Variants in SUMF1 observed in about 807,000 individuals in gnomAD.
The protein encoded by SUMF1 is sulfatase modifying factor 1.
A neutral mutation model predicts 47.6 loss-of-function variants in SUMF1; 48 were observed. The observed-to-expected ratio is 1.01, with a 90% CI of 0.80 to 1.28. The LOEUF is 1.28. Among genes scored for constraint, SUMF1 ranks in the 50% most tolerant of loss-of-function variants. The pLI is 0.00. For missense variants in SUMF1, 571 were observed against 485.4 expected, an observed-to-expected ratio of 1.18 and a Z score of -1.66; for synonymous variants, 230 against 192.1, an observed-to-expected ratio of 1.20 and a Z score of -1.63.
chr3:4,367,282 G>T (rs918183048), intron 8 of SUMF1, among the ~76,000 whole-genome samples: 8 of 152,322 alleles, frequency 5.3e-5, no homozygotes, highest in South Asian at 2.1e-4. Context: ...GTCTGCAGAG[G>T]TTACTGCTAT....
At chr3:4,211,189 C>T (rs2874793) in intron 8 of SUMF1, among the ~76,000 whole-genome samples, 1,764 of 60,852 alleles carry the variant, frequency 0.029, 44 homozygotes, top group Non-Finnish European at 0.046. Flanking sequence ...TATACATATA[C>T]ATATACATAC....
intron 8 of SUMF1, among the ~76,000 whole-genome samples, chr3:4,118,817 G>C (rs1574899711): frequency 6.6e-6 from 1 of 152,020 alleles, no homozygotes; most frequent in African/African-American, 2.4e-5. Flanking sequence ...CACCACTGCT[G>C]TTTTTGCTTC....
intron 8 of SUMF1, among the ~76,000 whole-genome samples, chr3:4,103,392 G>A (rs1048881874): frequency 1.3e-5 from 2 of 151,994 alleles, no homozygotes; most frequent in African/African-American, 4.8e-5. Flanking sequence ...GAATACTATA[G>A]GAATTCAAAT....
Position 4,317,156 on chromosome 3 carries a change from C to T in SUMF1, c.1014+59174G>A, listed in dbSNP as rs889315071. 1.9e-6 allele frequency: 3 copies of T among 1,549,274 alleles called. No individual in the cohort carries two copies. In the Admixed American group the frequency reaches 5.9e-5, roughly 30 times the overall value. On this transcript the variant is annotated intron_variant and NMD_transcript_variant, in intron 8 of 12. Transcript: ENST00000448413. Reference sequence around the variant, plus strand: ...ATGCTTTCCAAGAGTTCGTCGAATCCCAAAGCACGGATTTTTACGCTACAG... The same window carrying T: ...ATGCTTTCCAAGAGTTCGTCGAATCTCAAAGCACGGATTTTTACGCTACAG...
At chr3:4,435,535 C>T (rs1207369578) in intron 3 of SUMF1, among the ~76,000 whole-genome samples, 2 of 152,074 alleles carry the variant, frequency 1.3e-5, no homozygotes, top group Admixed American at 6.5e-5. Context: ...TAAATGGACA[C>T]ATACAAGAAT....
At chr3:4,400,132 A>T (rs1318371180) in intron 7 of SUMF1, among the ~76,000 whole-genome samples, 1 of 152,160 alleles carries the variant, frequency 6.6e-6, no homozygotes, top group Admixed American at 6.6e-5. Context: ...TGGGGGCCGA[A>T]TTCTACCTGA....
At chr3:4,106,639 T>A (rs753768591) in intron 8 of SUMF1, among the ~76,000 whole-genome samples, 10 of 152,072 alleles carry the variant, frequency 6.6e-5, no homozygotes, top group Admixed American at 2.0e-4. Context: ...ACAGGAAAAG[T>A]AGAAGCCGAA....
intron 8 of SUMF1, among the ~76,000 whole-genome samples, chr3:4,095,239 T>G (rs527773444): frequency 6.6e-6 from 1 of 152,210 alleles, no homozygotes; most frequent in South Asian, 2.1e-4. Context: ...TATTTTAAAC[T>G]CCAGAACAGC....
intron 3 of SUMF1, among the ~76,000 whole-genome samples, chr3:4,426,416 T>G (rs1035614278): frequency 6.6e-5 from 10 of 152,314 alleles, no homozygotes; most frequent in Admixed American, 2.6e-4. Context: ...TCAAATATTT[T>G]CTGGTCAAAT....
At chr3:4,379,684 A>C (rs541812060) in intron 7 of SUMF1, among the ~76,000 whole-genome samples, 19 of 152,296 alleles carry the variant, frequency 1.2e-4, no homozygotes, top group African/African-American at 4.6e-4. Context: ...TCAGCTAAAA[A>C]TACAAAAATT....
chr3:4,425,135 A>C (rs188714893), intron 3 of SUMF1, among the ~76,000 whole-genome samples: 1 of 152,324 alleles, frequency 6.6e-6, no homozygotes, highest in East Asian at 1.9e-4. Context: ...CTTAAATATT[A>C]ATACACAGTT....
At chr3:4,254,895 A>G (rs1391653166) in intron 8 of SUMF1, among the ~76,000 whole-genome samples, 1 of 152,230 alleles carries the variant, frequency 6.6e-6, no homozygotes, top group Non-Finnish European at 1.5e-5. Flanking sequence ...AGGGAAGCCC[A>G]TCAGACTTAC....
chr3:4,354,817 A>C (rs558087505), intron 8 of SUMF1, among the ~76,000 whole-genome samples: 2 of 152,328 alleles, frequency 1.3e-5, no homozygotes, highest in African/African-American at 4.8e-5. Flanking sequence ...ACAAGTACCT[A>C]GGAAGCACTT....
At chr3:4,365,532 T>A (rs1185437528) in intron 8 of SUMF1, among the ~76,000 whole-genome samples, 1 of 141,658 alleles carries the variant, frequency 7.1e-6, no homozygotes, top group Admixed American at 7.1e-5. Context: ...GAGACTAGGA[T>A]TGCAACCCCT....
chr3:4,188,106 A>T (rs967080783), intron 8 of SUMF1, among the ~76,000 whole-genome samples: 2 of 151,996 alleles, frequency 1.3e-5, no homozygotes, highest in African/African-American at 4.8e-5. Flanking sequence ...CCAGAGTAGC[A>T]CATGTGTACA....
rs138269123 is a variant in SUMF1, at chr3:4,420,138, A to G, written c.528T>C (p.Ala176=). 245 of 1,613,964 alleles carry G rather than the reference A, an allele frequency of 1.5e-4. No homozygotes were observed. The highest frequency in any genetic ancestry group is 1.9e-4 in the Non-Finnish European group (227 of 1,180,002). ...CTTTCACAGGTAACCACCAGGGAGCAGCTGCAACCTCAAAGCAACCCAGAA... is the reference window on the plus strand; with the variant it reads ...CTTTCACAGGTAACCACCAGGGAGCGGCTGCAACCTCAAAGCAACCCAGAA... ...VKTNIQQAVA[A]APWWLPVKGA... Residue 176 remains alanine, a synonymous_variant, in exon 4 of 9, where the codon GCT becomes GCC. Coordinates refer to ENST00000272902, the MANE Select transcript of SUMF1 (RefSeq NM_182760.4).
intron 3 of SUMF1, among the ~76,000 whole-genome samples, chr3:4,422,755 C>T (rs980711792): frequency 2.6e-5 from 4 of 151,710 alleles, no homozygotes; most frequent in African/African-American, 9.7e-5. Context: ...CATTTCCTAC[C>T]CTCTTTTCTT....
intron 8 of SUMF1, among the ~76,000 whole-genome samples, chr3:4,269,616 G>C (rs952621333): frequency 6.6e-6 from 1 of 152,110 alleles, no homozygotes; most frequent in African/African-American, 2.4e-5. Context: ...GACCAGAAGC[G>C]GGGGAAAGAA....
chr3:4,249,700 C>T (rs1239362504), intron 8 of SUMF1, among the ~76,000 whole-genome samples: 1 of 152,122 alleles, frequency 6.6e-6, no homozygotes, highest in East Asian at 1.9e-4. Flanking sequence ...TAAGTAAAAA[C>T]ACGTCTCTCA....
Sources: allele counts gnomAD v4.1 joint callset (sites outside exome capture counted in the v4.1 genomes callset), GRCh38; gene constraint gnomAD v4.1.1; transcripts MANE v1.5; gene names NCBI Gene and HGNC (gene_info 2026-07-23, HGNC 2026-07-21).